Variants in CPZ observed in about 807,000 individuals in gnomAD.
The protein encoded by CPZ is VEZT/CPZ fusion.
In CPZ, 103 loss-of-function variants were observed where a neutral mutation model predicts 61.8. The observed-to-expected ratio is 1.67, with a 90% confidence interval of 1.42 to 1.96. The LOEUF (loss-of-function observed/expected upper bound fraction) is 1.96, where lower values mean the gene tolerates loss of function less well. CPZ is among the 30% of genes most tolerant of loss of function. The probability of loss-of-function intolerance (pLI) is 0.00; values close to 1 mark genes in which losing one functional copy is unlikely to be tolerated. For synonymous variants in CPZ, 551 were observed against 373.7 expected (o/e 1.47, Z -5.47); for missense variants, 1,461 against 914.9 (o/e 1.60, Z -7.70).
chr4:8,606,135 C>CACCTGCTGCCCTCCATGA lies in CPZ; in HGVS notation c.860_877dup (p.Leu287_Asn292dup). 6.2e-7 allele frequency: 1 copy of CACCTGCTGCCCTCCATGA among 1,614,204 alleles called. No individual in the cohort carries two copies. Among genetic ancestry groups the CACCTGCTGCCCTCCATGA allele is most frequent in the South Asian group, 1.1e-5 (1 of 91,076 alleles). On this transcript the variant is annotated inframe_insertion, in exon 5 of 11. Transcript: ENST00000360986. ...GCGCCTGCTCAACACCACCCGCATCCACCTGCTGCCCTCCATGAACCCTGA... is the reference window on the plus strand; with the variant it reads ...GCGCCTGCTCAACACCACCCGCATCCACCTGCTGCCCTCCATGAACCTGCTGCCCTCCATGAACCCTGA...
In CPZ at chr4:8,612,205, G is replaced by A. The variant is rs567039592; in HGVS notation, c.1363+43G>A. 753 of 203,198 alleles carry A rather than the reference G, an allele frequency of 3.7e-3. 8 individuals carry two copies. The highest frequency in any genetic ancestry group is 0.019 in the African/African-American group (704 of 38,002). 12.6% of individuals were successfully genotyped at this position (203,198 alleles called of 1,614,324 possible). A position where few individuals can be genotyped will look rare whatever the true frequency, so the allele number is the denominator to read the frequency against. On this transcript the variant is annotated intron_variant, in intron 8 of 10. Coordinates refer to ENST00000360986, the MANE Select transcript of CPZ (RefSeq NM_001014447.3). ...CGGGACTGGGCGGGGGGTGGGGGGTGCAGGGGCTGGGTGGGGCAGGGGCAA... is the reference window on the plus strand; with the variant it reads ...CGGGACTGGGCGGGGGGTGGGGGGTACAGGGGCTGGGTGGGGCAGGGGCAA...
intron 8 of CPZ, among the ~76,000 whole-genome samples, chr4:8,612,508 A>G (rs1715797966): frequency 6.6e-6 from 1 of 152,198 alleles, no homozygotes; most frequent in African/African-American, 2.4e-5. Flanking sequence ...GGAATTCCAG[A>G]GAGACCGTGA....
intron 8 of CPZ, among the ~76,000 whole-genome samples, chr4:8,612,451 T>C (rs1032141877): frequency 5.3e-5 from 8 of 152,180 alleles, no homozygotes; most frequent in South Asian, 2.1e-4. Context: ...TTTGTGACAT[T>C]AGGGAAGTGG....
Position 8,619,410 on chromosome 4 carries a change from G to A in CPZ, c.1752G>A (p.Leu584=), listed in dbSNP as rs61734019. ...GTGTGGACTTCATTCTGCAACCTCT[G>A]GGGATGGGACCCAAGAACTTTATTC... ...AGRVDFILQP[L]GMGPKNFIHG... Residue 584 remains leucine, a synonymous_variant, in exon 11 of 11, where the codon CTG becomes CTA. Coordinates refer to ENST00000360986, the MANE Select transcript of CPZ (RefSeq NM_001014447.3). The A allele has an allele frequency of 1.1e-5, 17 of 1,614,046 alleles. No homozygotes were observed. In the African/African-American group the frequency reaches 2.1e-4, roughly 20 times the overall value.
chr4:8,596,378 C>T (rs919942703), intron 1 of CPZ, among the ~76,000 whole-genome samples: 5 of 152,214 alleles, frequency 3.3e-5, no homozygotes, highest in Admixed American at 6.5e-5. Context: ...GCATGGTGGG[C>T]GCTTTGCTAG....
At chr4:8,608,036 C>T (rs903818915) in intron 7 of CPZ, among the ~76,000 whole-genome samples, 1 of 150,210 alleles carries the variant, frequency 6.7e-6, no homozygotes, top group Non-Finnish European at 1.5e-5. Context: ...AACCTTAGGA[C>T]GACCTGCTGG....
At chr4:8,600,135 T>A (rs906691576) in intron 2 of CPZ, among the ~76,000 whole-genome samples, 4 of 152,196 alleles carry the variant, frequency 2.6e-5, no homozygotes, top group Admixed American at 6.5e-5. Context: ...TTATTTTATT[T>A]TTTATTTATT....
intron 3 of CPZ, chr4:8,602,320 A>G (rs1714639919): frequency 6.6e-6 from 1 of 152,266 alleles, no homozygotes; most frequent in South Asian, 2.1e-4. Context: ...TGTGTAAAAG[A>G]AATGTTCTAT....
At position 8,619,318 on chromosome 4, in the gene CPZ, C is replaced by G; in HGVS notation, c.1660C>G (p.Gln554Glu). The G allele has an allele frequency of 6.2e-7, 1 of 1,614,048 alleles. No individual in the cohort carries two copies. Among genetic ancestry groups the G allele is most frequent in the Non-Finnish European group, 8.5e-7 (1 of 1,179,960 alleles). The change falls in exon 11 of 11, where the codon CAA becomes GAA. Residue 554 changes from glutamine to glutamate, a missense_variant. By Grantham distance (29) the Gln-to-Glu change is conservative. Coordinates refer to ENST00000360986, the MANE Select transcript of CPZ (RefSeq NM_001014447.3). ...CCCAGGTATCCACATTGTCATTGCC[C>G]AAGCCCCTGGCTACGCCAAAGTCAT... is the stretch of plus-strand genomic sequence containing the variant. ...LPPGIHIVIA[Q>E]APGYAKVIKK...
chr4:8,601,815 C>CCTCGTGTGGGGG (rs1331683265), intron 3 of CPZ, among the ~76,000 whole-genome samples: 27 of 152,300 alleles, frequency 1.8e-4, no homozygotes, highest in African/African-American at 6.3e-4. Flanking sequence ...GTGCAGTGAG[C>CCTCGTGTGGGGG]AGGCCTCGTG....
At chr4:8,615,958 G>T (rs749270060) in intron 9 of CPZ, among the ~76,000 whole-genome samples, 2 of 152,222 alleles carry the variant, frequency 1.3e-5, no homozygotes, top group African/African-American at 2.4e-5. Flanking sequence ...CACCTGTGGC[G>T]AGTCCCATTC....
At chr4:8,608,076 A>C (rs1001905423) in intron 7 of CPZ, among the ~76,000 whole-genome samples, 1 of 147,990 alleles carries the variant, frequency 6.8e-6, no homozygotes, top group Non-Finnish European at 1.5e-5. Context: ...CCGTTCCCAC[A>C]CTGTGGATAA....
rs775769796 is a variant in CPZ at position 8,619,301 on chromosome 4, T to TC, written c.1645dup (p.His549ProfsTer83). 329 of 1,613,672 alleles carry TC rather than the reference T, an allele frequency of 2.0e-4. No homozygotes were observed. The highest frequency in any genetic ancestry group is 2.6e-4 in the Non-Finnish European group (309 of 1,179,894). On this transcript the variant is annotated frameshift_variant, in exon 11 of 11. Transcript: ENST00000360986. LOFTEE classifies it low-confidence loss of function (END_TRUNC). Reference sequence around the variant, plus strand: ...TACTGGAGACTGCTGCCCCCAGGTATCCACATTGTCATTGCCCAAGCCCCT... The same window carrying TC: ...TACTGGAGACTGCTGCCCCCAGGTATCCCACATTGTCATTGCCCAAGCCCCT...
chr4:8,618,628 T>G (rs2109351335), intron 10 of CPZ, 100 bp downstream of exon 10: 1 of 1,119,820 alleles, frequency 8.9e-7, no homozygotes, highest in Non-Finnish European at 1.3e-6. Context: ...TGCCCAGCCC[T>G]CAGCAGGATG....
Position 8,607,350 on chromosome 4 carries a change from G to C in CPZ, c.1152G>C (p.Leu384=), listed in dbSNP as rs946984425. 1 of 1,614,122 alleles carries C rather than the reference G, an allele frequency of 6.2e-7. No homozygotes were observed. Among genetic ancestry groups the C allele is most frequent in the Non-Finnish European group, 8.5e-7 (1 of 1,179,990 alleles). The change falls in exon 7 of 11, where the codon CTG becomes CTC. Residue 384 remains leucine (L), a synonymous_variant. Coordinates refer to ENST00000360986, the MANE Select transcript of CPZ (RefSeq NM_001014447.3). ...VLSASLHGGD[L]VVSYPFDFSK... is the part of the protein sequence containing the mutation. ...CAGCCAGCCTTCATGGGGGCGACCTGGTGGTGTCCTACCCCTTCGACTTCT... is the reference window on the plus strand; with the variant it reads ...CAGCCAGCCTTCATGGGGGCGACCTCGTGGTGTCCTACCCCTTCGACTTCT...
At chr4:8,602,108 G>C (rs1453125475) in intron 3 of CPZ, 2 of 152,390 alleles carry the variant, frequency 1.3e-5, no homozygotes, top group Non-Finnish European at 2.9e-5. Flanking sequence ...TCTTGCAGAT[G>C]AAACAGTGGA....
chr4:8,612,217 T>TGGGGGGGGGGGGG, intron 8 of CPZ, 55 bp downstream of exon 8: 2 of 68,040 alleles, frequency 2.9e-5, no homozygotes, highest in East Asian at 3.2e-4. Context: ...AGGGGCTGGG[T>TGGGGGGGGGGGGG]GGGGCAGGGG....
intron 9 of CPZ, among the ~76,000 whole-genome samples, chr4:8,615,971 C>G (rs1024171241): frequency 6.6e-6 from 1 of 152,226 alleles, no homozygotes; most frequent in Non-Finnish European, 1.5e-5. Flanking sequence ...TCCCATTCTT[C>G]TATGAGCTCT....
chr4:8,605,634 T>TCCATCCATCCATCCACCC, intron 4 of CPZ, among the ~76,000 whole-genome samples: 1 of 148,682 alleles, frequency 6.7e-6, no homozygotes, highest in African/African-American at 2.6e-5. Flanking sequence ...ATCATTGATA[T>TCCATCCATCCATCCACCC]ATCCATTCAT....
Sources: gnomAD v4.1 joint callset for allele counts (sites outside exome capture counted in the v4.1 genomes callset) on GRCh38, gnomAD v4.1.1 for gene constraint, MANE v1.5 for transcripts, NCBI Gene and HGNC (gene_info 2026-07-23, HGNC 2026-07-21) for gene names.